Variants in RBFOX3 observed in about 807,000 individuals in gnomAD.
The protein encoded by RBFOX3 is RNA binding protein fox-1 homolog 3.
RBFOX3 carries 17 observed loss-of-function variants against 48.7 expected under a neutral mutation model. The ratio of observed to expected loss-of-function variants is 0.35; its 90% confidence interval spans 0.24 to 0.52. RBFOX3 has a LOEUF of 0.52. Among genes scored for constraint, RBFOX3 ranks in the 20% least tolerant of loss-of-function variants. RBFOX3 has a pLI of 0.94. For missense variants in RBFOX3, 382 were observed against 497.5 expected, an observed-to-expected ratio of 0.77 and a Z score of 2.21; for synonymous variants, 212 against 209.5, an observed-to-expected ratio of 1.01 and a Z score of -0.10.
chr17:79,124,315 A>G (rs1283763179), intron 4 of RBFOX3, among the ~76,000 whole-genome samples: 1 of 152,222 alleles, frequency 6.6e-6, no homozygotes, highest in African/African-American at 2.4e-5. Flanking sequence ...CAAGGTGACC[A>G]CCATGGCTGC....
chr17:79,126,909 C>CA (rs2037456875), intron 4 of RBFOX3, among the ~76,000 whole-genome samples: 1 of 152,236 alleles, frequency 6.6e-6, no homozygotes, highest in African/African-American at 2.4e-5. Context: ...CCACCCGGCA[C>CA]CGGGCTTTGC....
At chr17:79,208,585 T>C (rs1599992849) in intron 4 of RBFOX3, 1 of 152,634 alleles carries the variant, frequency 6.6e-6, no homozygotes, top group East Asian at 1.9e-4. Flanking sequence ...GCCAGGCAAG[T>C]GGCATTGAGC....
chr17:79,500,826 T>G (rs1431584578), intron 1 of RBFOX3, among the ~76,000 whole-genome samples: 5 of 152,090 alleles, frequency 3.3e-5, no homozygotes, highest in South Asian at 2.1e-4. Context: ...AAGAATGACG[T>G]TGAGGGCAGG....
chr17:79,491,463 A>C (rs1555772630), intron 1 of RBFOX3, among the ~76,000 whole-genome samples: 3 of 151,944 alleles, frequency 2.0e-5, no homozygotes. Flanking sequence ...CCAAGGCAGG[A>C]ATCTCAGTAG....
At chr17:79,431,567 C>T (rs1019930799) in intron 2 of RBFOX3, among the ~76,000 whole-genome samples, 2 of 148,906 alleles carry the variant, frequency 1.3e-5, no homozygotes, top group Non-Finnish European at 3.0e-5. Flanking sequence ...TCACTGCAAC[C>T]TCTGCCTCCT....
intron 3 of RBFOX3, among the ~76,000 whole-genome samples, chr17:79,263,018 T>A (rs2066052312): frequency 6.6e-6 from 1 of 152,144 alleles, no homozygotes; most frequent in Non-Finnish European, 1.5e-5. Context: ...CGGGAGAACT[T>A]GCTCTTGGCC....
chr17:79,326,783 T>A (rs926372053), intron 2 of RBFOX3, among the ~76,000 whole-genome samples: 2 of 152,236 alleles, frequency 1.3e-5, no homozygotes, highest in African/African-American at 4.8e-5. Flanking sequence ...CCTGTCTACT[T>A]GAACCCCAGC....
At chr17:79,107,236 C>A (rs971042252) in intron 5 of RBFOX3, among the ~76,000 whole-genome samples, 1 of 152,198 alleles carries the variant, frequency 6.6e-6, no homozygotes, top group Non-Finnish European at 1.5e-5. Context: ...CGGCCTGGCC[C>A]GAGGGTCCGC....
In RBFOX3 at chr17:79,228,093, C is replaced by T. The variant is rs192793127; in HGVS notation, c.-34+7673G>A. Among the ~76,000 whole-genome samples, 529 of 152,312 alleles carry T rather than the reference C, an allele frequency of 3.5e-3. 3 individuals are homozygous for T. Among genetic ancestry groups the T allele is most frequent in the African/African-American group, 0.012 (503 of 41,572 alleles). On this transcript the variant is annotated intron_variant, in intron 4 of 14. Coordinates refer to ENST00000693108, the MANE Select transcript of RBFOX3 (RefSeq NM_001350451.2). Reference sequence around the variant, plus strand: ...TCTTCCCTGCCCTTCCTCCGTAGGACGGAGCCTGGCCTGCTCCTCCTTCTA... The same window carrying T: ...TCTTCCCTGCCCTTCCTCCGTAGGATGGAGCCTGGCCTGCTCCTCCTTCTA...
intron 3 of RBFOX3, among the ~76,000 whole-genome samples, chr17:79,262,394 G>A (rs746933036): frequency 2.6e-5 from 4 of 152,244 alleles, no homozygotes; most frequent in Non-Finnish European, 5.9e-5. Context: ...AGGGGACACG[G>A]TCCCTCTCCT....
chr17:79,098,204 C>T (rs1285298067), intron 9 of RBFOX3: 2 of 164,066 alleles, frequency 1.2e-5, no homozygotes, highest in Non-Finnish European at 2.7e-5. Flanking sequence ...TGGACTCTGC[C>T]CATAAGCTCT....
At chr17:79,264,868 T>TC (rs1567942498) in intron 3 of RBFOX3, among the ~76,000 whole-genome samples, 2 of 150,872 alleles carry the variant, frequency 1.3e-5, no homozygotes, top group Non-Finnish European at 2.9e-5. Context: ...AAGGTTCTGC[T>TC]CCCCTGTACG....
rs1200354412 is a variant in RBFOX3 at position 79,212,941 on chromosome 17, G to A, written c.-34+22825C>T. ...GCAATCTCAGATCACTGCAACCTCC[G>A]TCTCCCAGGTTCAAGAGATTCTCCT... On this transcript the variant is annotated intron_variant, in intron 4 of 14. Coordinates refer to ENST00000693108, the MANE Select transcript of RBFOX3 (RefSeq NM_001350451.2). This position sits in a 1 kb window ranked among gnomAD's most constrained non-coding sequence, Gnocchi z 4.7. Among the ~76,000 whole-genome samples, 1 of 152,024 alleles carries A rather than the reference G, an allele frequency of 6.6e-6. No individual in the cohort carries two copies. Among genetic ancestry groups the A allele is most frequent in the Non-Finnish European group, 1.5e-5 (1 of 67,998 alleles).
intron 1 of RBFOX3, among the ~76,000 whole-genome samples, chr17:79,559,165 G>T (rs1054470222): frequency 1.8e-3 from 273 of 152,276 alleles, no homozygotes; most frequent in Non-Finnish European, 3.1e-3. Context: ...AGGGGCGGGG[G>T]TTGTCTGTCT....
rs199919139 is a variant in RBFOX3, at chr17:79,090,807, GTTTT to G, written c.*72_*75del. 2 of 1,409,684 alleles carry G rather than the reference GTTTT, an allele frequency of 1.4e-6. No individual in the cohort carries two copies. Among genetic ancestry groups the G allele is most frequent in the Non-Finnish European group, 1.9e-6 (2 of 1,049,590 alleles). 87.3% of individuals were successfully genotyped at this position (1,409,684 alleles called of 1,614,324 possible). A position where few individuals can be genotyped will look rare whatever the true frequency, so the allele number is the denominator to read the frequency against. On this transcript the variant is annotated 3_prime_UTR_variant, in exon 15 of 15. Coordinates refer to ENST00000693108, the MANE Select transcript of RBFOX3 (RefSeq NM_001350451.2). ...TGCTTGGATCTTAACATCTTTTTTTGTTTTTTTTGTTTTGTGATTTTTTTTGTTT... is the reference window on the plus strand; with the variant it reads ...TGCTTGGATCTTAACATCTTTTTTTGTTTTGTTTTGTGATTTTTTTTGTTT...
At chr17:79,116,437 C>T (rs986128876) in intron 4 of RBFOX3, among the ~76,000 whole-genome samples, 3 of 152,240 alleles carry the variant, frequency 2.0e-5, no homozygotes, top group African/African-American at 7.2e-5. Context: ...ATCACTTCAA[C>T]CTGGGAGGCA....
intron 1 of RBFOX3, among the ~76,000 whole-genome samples, chr17:79,576,139 T>C (rs2092849242): frequency 6.6e-6 from 1 of 152,242 alleles, no homozygotes; most frequent in African/African-American, 2.4e-5. Flanking sequence ...GCTGAAGGCC[T>C]GAAGAGCAGA....
rs1285614804 is a variant in RBFOX3 at position 79,483,779 on chromosome 17, A to G, written c.-319-1181T>C. On this transcript the variant is annotated intron_variant, in intron 1 of 14. Transcript: ENST00000693108. ...TCACTCCGTATTCTTCTGAGTGGAT[A>G]AGTAAATGAATGAATGAATGAACCC... 2.0e-5 allele frequency among the ~76,000 whole-genome samples: 3 copies of G among 151,948 alleles called. No individual in the cohort carries two copies. In the East Asian group the frequency reaches 5.9e-4, roughly 30 times the overall value.
intron 2 of RBFOX3, among the ~76,000 whole-genome samples, chr17:79,426,292 T>C (rs2067366936): frequency 6.6e-6 from 1 of 152,180 alleles, no homozygotes; most frequent in Admixed American, 6.5e-5. Context: ...CAGTCGAGGA[T>C]GGCTGTCGCA....
Sources: gnomAD v4.1 joint callset for allele counts (sites outside exome capture counted in the v4.1 genomes callset) on GRCh38, gnomAD v4.1.1 for gene constraint, Gnocchi (gnomAD v3.1) non-coding constraint, MANE v1.5 for transcripts, NCBI Gene and HGNC (gene_info 2026-07-23, HGNC 2026-07-21) for gene names.